KLHDC4: variants seen among roughly 807,000 people sequenced by gnomAD.
The protein encoded by KLHDC4 is kelch domain-containing protein 4.
Under a neutral mutation model 62.4 loss-of-function variants are expected in KLHDC4, and 90 were observed. The observed-to-expected ratio is 1.44, with a 90% CI of 1.22 to 1.72. KLHDC4 has a LOEUF of 1.72. Among genes scored for constraint, KLHDC4 ranks in the 40% most tolerant of loss-of-function variants. The probability of loss-of-function intolerance (pLI) is 0.00; values close to 1 mark genes in which losing one functional copy is unlikely to be tolerated. For missense variants in KLHDC4, 1,025 were observed against 699.7 expected (o/e 1.47, Z -5.25); for synonymous variants, 386 against 284.4 (o/e 1.36, Z -3.59).
intron 5 of KLHDC4, among the ~76,000 whole-genome samples, chr16:87,744,774 A>T (rs886809932): frequency 3.3e-5 from 5 of 152,242 alleles, no homozygotes; most frequent in African/African-American, 1.2e-4. Context: ...AAAACCTCAG[A>T]AACAATACAG....
intron 5 of KLHDC4, 166 bp from the exon 6 acceptor site, chr16:87,730,810 C>T (rs2040215290): frequency 3.4e-6 from 2 of 582,966 alleles, no homozygotes; most frequent in Non-Finnish European, 6.0e-6. Flanking sequence ...CTACCAAAAC[C>T]ATCCTGCTAA....
intron 9 of KLHDC4, chr16:87,709,880 T>G (rs909677575): frequency 1.7e-6 from 1 of 603,800 alleles, no homozygotes; most frequent in Non-Finnish European, 2.9e-6. Context: ...CGTTCACTCC[T>G]GGGCTGGGGC....
At chr16:87,731,449 T>C (rs1407008747) in intron 5 of KLHDC4, among the ~76,000 whole-genome samples, 1 of 150,538 alleles carries the variant, frequency 6.6e-6, no homozygotes, top group Non-Finnish European at 1.5e-5. Context: ...GTTCGTAAGA[T>C]AGAAAAATGG....
chr16:87,710,874 T>G, intron 9 of KLHDC4: 1 of 227,470 alleles, frequency 4.4e-6, no homozygotes. Context: ...ACGTGGACAG[T>G]AAAGATGGTG....
intron 8 of KLHDC4, among the ~76,000 whole-genome samples, chr16:87,712,213 T>C (rs760720659): frequency 2.0e-5 from 3 of 152,060 alleles, no homozygotes; most frequent in Non-Finnish European, 2.9e-5. Context: ...CAGAGCCCAA[T>C]GTGCAGATGT....
chr16:87,754,747 G>T (rs550857613), intron 4 of KLHDC4, among the ~76,000 whole-genome samples: 1 of 152,144 alleles, frequency 6.6e-6, no homozygotes, highest in African/African-American at 2.4e-5. Flanking sequence ...GCTCTCCTGG[G>T]TAGGAAACCA....
chr16:87,728,142 G>A (rs1180023504), intron 6 of KLHDC4, among the ~76,000 whole-genome samples: 5 of 152,130 alleles, frequency 3.3e-5, no homozygotes, highest in African/African-American at 4.8e-5. Context: ...AGCTGATCAC[G>A]CCACTGCACT....
chr16:87,733,280 C>T (rs889730620), intron 5 of KLHDC4, among the ~76,000 whole-genome samples: 2 of 152,224 alleles, frequency 1.3e-5, no homozygotes, highest in African/African-American at 4.8e-5. Flanking sequence ...AGTGAGCAGG[C>T]GTGACTTTCA....
intron 7 of KLHDC4, among the ~76,000 whole-genome samples, chr16:87,725,998 G>C (rs866230630): frequency 6.6e-6 from 1 of 152,116 alleles, no homozygotes; most frequent in Admixed American, 6.5e-5. Context: ...ACAGGGGTGT[G>C]GAGAACAGAA....
intron 1 of KLHDC4, among the ~76,000 whole-genome samples, chr16:87,763,294 T>G (rs1190333200): frequency 6.6e-6 from 1 of 152,212 alleles, no homozygotes; most frequent in Non-Finnish European, 1.5e-5. Context: ...TATAGTATTG[T>G]TTTACATTTT....
rs1327214257 is a variant in KLHDC4, at chr16:87,730,500, C to T, written c.599+52G>A. On this transcript the variant is annotated intron_variant, in intron 6 of 11. Transcript: ENST00000270583. ...TTCAGAATGCTCTTTCTATAAAAAG[C>T]CCACTCCTTAATGCTTCAGGAGAGA... The T allele has an allele frequency of 7.9e-6, 11 of 1,387,372 alleles. No individual in the cohort carries two copies. The East Asian group carries it at 2.6e-4, about 32-fold the overall frequency. 85.9% of individuals were successfully genotyped at this position (1,387,372 alleles called of 1,614,324 possible).
intron 1 of KLHDC4, among the ~76,000 whole-genome samples, chr16:87,763,254 T>C (rs1351346214): frequency 1.3e-5 from 2 of 152,212 alleles, no homozygotes; most frequent in East Asian, 3.8e-4. Context: ...TCTTCAATCT[T>C]TTATTACACA....
chr16:87,711,426 G>C lies in KLHDC4; in HGVS notation c.853C>G (p.Arg285Gly). The C allele has an allele frequency of 6.2e-7, 1 of 1,611,280 alleles. No individual in the cohort carries two copies. The highest frequency in any genetic ancestry group is 2.2e-5 in the East Asian group (1 of 44,854). The change falls in exon 9 of 12, where the codon CGG becomes GGG. Residue 285 changes from arginine (R) to glycine (G), a missense_variant. Coordinates refer to ENST00000270583, the MANE Select transcript of KLHDC4 (RefSeq NM_017566.4). The part of the protein sequence containing the change: ...DGREDKWVWT[R>G]MNPSGVKPTP... ...GGCTTGACCCCCGAAGGGTTCATCCGAGTCCAAACCCACTTGTCTGTCAAA... is the reference window on the plus strand; with the variant it reads ...GGCTTGACCCCCGAAGGGTTCATCCCAGTCCAAACCCACTTGTCTGTCAAA...
chr16:87,712,371 C>T (rs896515726), intron 8 of KLHDC4, among the ~76,000 whole-genome samples: 9 of 152,320 alleles, frequency 5.9e-5, no homozygotes, highest in South Asian at 2.1e-4. Context: ...CTGGGGCCCC[C>T]GCCTCATTCC....
At chr16:87,716,146 C>A (rs1054009452) in intron 7 of KLHDC4, among the ~76,000 whole-genome samples, 1 of 150,004 alleles carries the variant, frequency 6.7e-6, no homozygotes, top group Non-Finnish European at 1.5e-5. Context: ...TTTATGTAGA[C>A]TTTGGGTACG....
intron 7 of KLHDC4, among the ~76,000 whole-genome samples, chr16:87,720,189 G>C (rs2037981625): frequency 6.6e-6 from 1 of 152,230 alleles, no homozygotes; most frequent in African/African-American, 2.4e-5. Context: ...GAATGGGCCG[G>C]CGGTGCAGTG....
chr16:87,711,743 C>T (rs1021003854), intron 8 of KLHDC4, among the ~76,000 whole-genome samples: 1 of 151,454 alleles, frequency 6.6e-6, no homozygotes, highest in Non-Finnish European at 1.5e-5. Context: ...AAGCAGCACA[C>T]ACGCTAGACA....
intron 8 of KLHDC4, among the ~76,000 whole-genome samples, chr16:87,712,682 T>G (rs1174552814): frequency 6.6e-6 from 1 of 152,262 alleles, no homozygotes; most frequent in African/African-American, 2.4e-5. Flanking sequence ...CCTGGGCCTT[T>G]TGACAGGCAA....
chr16:87,715,466 C>T (rs571744542), intron 7 of KLHDC4, among the ~76,000 whole-genome samples: 1 of 152,272 alleles, frequency 6.6e-6, no homozygotes, highest in Non-Finnish European at 1.5e-5. Flanking sequence ...TGCTCCGCAG[C>T]TCATCCTGCC....
Sources: gnomAD v4.1 joint callset for allele counts (sites outside exome capture counted in the v4.1 genomes callset) on GRCh38, gnomAD v4.1.1 for gene constraint, MANE v1.5 for transcripts, NCBI Gene and HGNC (gene_info 2026-07-23, HGNC 2026-07-21) for gene names.